Variants in LYRM4 observed in about 807,000 individuals in gnomAD.
LYRM4 encodes the protein LYR motif-containing protein 4.
Under a neutral mutation model 11.7 loss-of-function variants are expected in LYRM4, and 9 were observed. That is an observed-to-expected ratio of 0.77 (90% confidence interval 0.46 to 1.34). LYRM4 has a LOEUF of 1.34. LYRM4 is among the 40% of genes most tolerant of loss of function. LYRM4 has a pLI of 0.00. For missense variants in LYRM4, 133 were observed against 112.5 expected (o/e 1.18, Z -0.82); for synonymous variants, 42 against 40.4 (o/e 1.04, Z -0.15).
intron 1 of LYRM4, among the ~76,000 whole-genome samples, chr6:5,238,763 T>C (rs1581578417): frequency 6.6e-6 from 1 of 152,222 alleles, no homozygotes; most frequent in African/African-American, 2.4e-5. Flanking sequence ...TCCTTACTAT[T>C]TCCAGCAGCA....
chr6:5,247,217 T>C (rs370738032), intron 1 of LYRM4, among the ~76,000 whole-genome samples: 1 of 152,220 alleles, frequency 6.6e-6, no homozygotes, highest in Non-Finnish European at 1.5e-5. Context: ...ATGCTCACTA[T>C]GTTAATGTCC....
At chr6:5,113,756 AG>A (rs1762994349) in intron 2 of LYRM4, among the ~76,000 whole-genome samples, 1 of 149,426 alleles carries the variant, frequency 6.7e-6, no homozygotes, top group Non-Finnish European at 1.5e-5. Flanking sequence ...TTTTAGAGAC[AG>A]GTTCTCACTA....
the LYRM4 span, among the ~76,000 whole-genome samples, chr6:5,075,672 G>T: frequency 1.3e-5 from 2 of 152,216 alleles, no homozygotes; most frequent in Non-Finnish European, 2.9e-5. Flanking sequence ...GAAGTCAAAT[G>T]CTGTAATGAA....
chr6:5,168,150 G>A (rs1759201535), intron 2 of LYRM4, among the ~76,000 whole-genome samples: 1 of 151,328 alleles, frequency 6.6e-6, no homozygotes, highest in African/African-American at 2.4e-5. Flanking sequence ...GAGAGAGGAA[G>A]GAGGAAAGAA....
intron 1 of LYRM4, among the ~76,000 whole-genome samples, chr6:5,226,832 C>T (rs1248070234): frequency 1.3e-5 from 2 of 152,070 alleles, no homozygotes; most frequent in Non-Finnish European, 2.9e-5. Context: ...TAAATTACTA[C>T]AATAACAGTT....
In LYRM4 at chr6:5,216,849, C is replaced by T. The variant is rs17139809; in HGVS notation, c.87-111G>A. ...GAATTAACTGTTTAATCTTCCCCTA[C>T]GGATAATCCACTTTGATCTTTGCTC... On this transcript the variant is annotated intron_variant, in intron 1 of 2. Transcript: ENST00000330636. 290,130 of 1,280,620 alleles carry T rather than the reference C, an allele frequency of 0.23. 34,553 individuals are homozygous for T. The highest frequency in any genetic ancestry group is 0.28 in the Middle Eastern group (1,231 of 4,334). 79.3% of individuals were successfully genotyped at this position (1,280,620 alleles called of 1,614,324 possible). A position where few individuals can be genotyped will look rare whatever the true frequency, so the allele number is the denominator to read the frequency against.
intron 1 of LYRM4, among the ~76,000 whole-genome samples, chr6:5,245,100 AAAAAAAAAAAAAAATATATATAT>A (rs1764084475): frequency 2.0e-5 from 1 of 50,832 alleles, no homozygotes; most frequent in African/African-American, 7.5e-5. Flanking sequence ...AAAAAAAAAA[AAAAAAAAAAAAAAATATATATAT>A]ATATATATAT....
the LYRM4 span, among the ~76,000 whole-genome samples, chr6:5,056,039 T>G: frequency 6.6e-6 from 1 of 152,118 alleles, no homozygotes; most frequent in Non-Finnish European, 1.5e-5. Context: ...TCTTGCTATG[T>G]TGCCCAGGCT....
At chr6:5,217,347 G>A (rs1326821097) in intron 1 of LYRM4, among the ~76,000 whole-genome samples, 1 of 152,168 alleles carries the variant, frequency 6.6e-6, no homozygotes, top group Non-Finnish European at 1.5e-5. Flanking sequence ...TCTTGAAAGT[G>A]CACACGCCTA....
chr6:5,234,806 A>T (rs556550212), intron 1 of LYRM4, among the ~76,000 whole-genome samples: 1 of 152,302 alleles, frequency 6.6e-6, no homozygotes, highest in East Asian at 1.9e-4. Context: ...ATTCTCTGGT[A>T]ACATTACTAG....
intron 1 of LYRM4, among the ~76,000 whole-genome samples, chr6:5,226,154 T>C (rs1214297730): frequency 6.6e-6 from 1 of 152,210 alleles, no homozygotes; most frequent in Non-Finnish European, 1.5e-5. Flanking sequence ...TTTTGTGTGG[T>C]CCGGTGTACC....
chr6:5,110,579 A>C (rs1762836465), intron 2 of LYRM4, among the ~76,000 whole-genome samples: 1 of 152,302 alleles, frequency 6.6e-6, no homozygotes, highest in South Asian at 2.1e-4. Flanking sequence ...GAGAAAGCGA[A>C]GGAAGAGGCG....
chr6:5,072,171 G>A, the LYRM4 span, among the ~76,000 whole-genome samples: 1,466 of 152,256 alleles, frequency 9.6e-3, 15 homozygotes, highest in Middle Eastern at 0.041. Flanking sequence ...CCTTTTTGTG[G>A]TTGCAGAGTA....
the LYRM4 span, among the ~76,000 whole-genome samples, chr6:5,084,319 G>T: frequency 3.3e-5 from 5 of 152,186 alleles, no homozygotes; most frequent in East Asian, 1.9e-4. Context: ...CCTCAGGTTC[G>T]GGCCTTGGCC....
chr6:5,223,014 C>T (rs570988455), intron 1 of LYRM4, among the ~76,000 whole-genome samples: 1 of 152,024 alleles, frequency 6.6e-6, no homozygotes, highest in Non-Finnish European at 1.5e-5. Context: ...GGAAATGTCC[C>T]AGAAGTGATT....
chr6:5,203,216 C>T (rs1581497991), intron 2 of LYRM4, among the ~76,000 whole-genome samples: 1 of 152,192 alleles, frequency 6.6e-6, no homozygotes, highest in East Asian at 1.9e-4. Context: ...ATGGGTATTA[C>T]AGAAATCCAA....
intron 2 of LYRM4, among the ~76,000 whole-genome samples, chr6:5,118,577 T>A (rs1286972249): frequency 2.0e-5 from 3 of 152,202 alleles, no homozygotes; most frequent in African/African-American, 7.2e-5. Context: ...CTGCAATTCA[T>A]GCAGCAATTG....
intron 1 of LYRM4, among the ~76,000 whole-genome samples, chr6:5,241,609 A>G (rs1426691474): frequency 6.6e-6 from 1 of 150,840 alleles, no homozygotes. Flanking sequence ...AAAGTATTGG[A>G]AGTTTCTGCT....
chr6:5,111,850 T>C (rs1274770033), intron 2 of LYRM4, among the ~76,000 whole-genome samples: 1 of 152,202 alleles, frequency 6.6e-6, no homozygotes, highest in Non-Finnish European at 1.5e-5. Flanking sequence ...GTTCCTTGCC[T>C]GTGGGATGAG....
Sources: allele counts gnomAD v4.1 joint callset (sites outside exome capture counted in the v4.1 genomes callset), GRCh38; gene constraint gnomAD v4.1.1; transcripts MANE v1.5; gene names NCBI Gene and HGNC (gene_info 2026-07-23, HGNC 2026-07-21).